Variants in NPAS3 observed in about 807,000 individuals in gnomAD.
NPAS3 encodes the protein neuronal PAS domain-containing protein 3.
A neutral mutation model predicts 73.1 loss-of-function variants in NPAS3; 14 were observed. That is an observed-to-expected ratio of 0.19 (90% CI 0.13 to 0.30). The LOEUF is 0.30. Among genes scored for constraint, NPAS3 ranks in the 10% least tolerant of loss-of-function variants. NPAS3 has a pLI of 1.00. For missense variants in NPAS3, 1,096 were observed against 1,250.0 expected (o/e 0.88, Z 1.86); for synonymous variants, 620 against 541.5 (o/e 1.14, Z -2.01).
chr14:33,528,500 G>A (rs1393482041), intron 4 of NPAS3, among the ~76,000 whole-genome samples: 9 of 151,956 alleles, frequency 5.9e-5, no homozygotes, highest in Admixed American at 4.6e-4. Flanking sequence ...AAAGAGGAGG[G>A]AGTGGTCGTC....
At chr14:33,630,556 C>G (rs2058350370) in intron 5 of NPAS3, among the ~76,000 whole-genome samples, 1 of 152,188 alleles carries the variant, frequency 6.6e-6, no homozygotes, top group South Asian at 2.1e-4. Flanking sequence ...AGCCAGGATT[C>G]TCAATGGATT....
chr14:33,094,291 G>T (rs1475763973), intron 2 of NPAS3, among the ~76,000 whole-genome samples: 1 of 151,794 alleles, frequency 6.6e-6, no homozygotes, highest in African/African-American at 2.4e-5. Context: ...TTAGAAAATG[G>T]GAATTTAAAG....
At chr14:33,290,886 G>T (rs2042073478) in intron 3 of NPAS3, among the ~76,000 whole-genome samples, 1 of 152,144 alleles carries the variant, frequency 6.6e-6, no homozygotes, top group Non-Finnish European at 1.5e-5. Context: ...CAGCATAATT[G>T]TCACAGGTTT....
At chr14:33,636,200 G>A (rs928415931) in intron 5 of NPAS3, among the ~76,000 whole-genome samples, 4 of 152,200 alleles carry the variant, frequency 2.6e-5, no homozygotes, top group Non-Finnish European at 5.9e-5. Flanking sequence ...GATTACAGGC[G>A]TGAGCCACCG....
At chr14:33,724,626 C>G (rs538732971) in intron 6 of NPAS3, among the ~76,000 whole-genome samples, 2 of 152,090 alleles carry the variant, frequency 1.3e-5, no homozygotes, top group African/African-American at 2.4e-5. Flanking sequence ...GAGTGAGACA[C>G]CAATCTCAAA....
chr14:33,178,101 A>T (rs2045661596), intron 2 of NPAS3, among the ~76,000 whole-genome samples: 1 of 132,144 alleles, frequency 7.6e-6, no homozygotes, highest in South Asian at 2.5e-4. Flanking sequence ...TTGGAGACAG[A>T]GTCTTGCTCT....
At chr14:32,935,548 C>G (rs1455088441), upstream of NPAS3, among the ~76,000 whole-genome samples, 1 of 152,218 alleles carries the variant, frequency 6.6e-6, no homozygotes, top group Admixed American at 6.5e-5. Flanking sequence ...CTCTTCGGCG[C>G]TGTTAAGTAT....
intron 1 of NPAS3, among the ~76,000 whole-genome samples, chr14:33,048,365 A>G (rs2040582747): frequency 6.6e-6 from 1 of 152,224 alleles, no homozygotes; most frequent in African/African-American, 2.4e-5. Flanking sequence ...TCCACTTACT[A>G]CGGTGTAGCC....
At chr14:33,065,807 G>A (rs114998488) in intron 2 of NPAS3, among the ~76,000 whole-genome samples, 546 of 152,122 alleles carry the variant, frequency 3.6e-3, no homozygotes, top group African/African-American at 0.013. Context: ...TTTCATAACA[G>A]CATCATTTTC....
At chr14:33,176,867 C>T (rs2045606023) in intron 2 of NPAS3, among the ~76,000 whole-genome samples, 1 of 151,910 alleles carries the variant, frequency 6.6e-6, no homozygotes. Flanking sequence ...TTCTCCATAT[C>T]CTTGCCAAGA....
chr14:33,201,538 C>A (rs1448629148), intron 2 of NPAS3, among the ~76,000 whole-genome samples: 3 of 152,166 alleles, frequency 2.0e-5, no homozygotes, highest in Non-Finnish European at 4.4e-5. Flanking sequence ...TCAGCCCAAA[C>A]AAAACCAAAT....
chr14:33,438,631 A>G (rs1173387009), intron 4 of NPAS3, among the ~76,000 whole-genome samples: 1 of 152,170 alleles, frequency 6.6e-6, no homozygotes, highest in African/African-American at 2.4e-5. Context: ...GGGGTATTTT[A>G]TTAGCAACGA....
At chr14:33,591,633 A>T (rs996253875) in intron 5 of NPAS3, among the ~76,000 whole-genome samples, 1 of 152,196 alleles carries the variant, frequency 6.6e-6, no homozygotes, top group Non-Finnish European at 1.5e-5. Context: ...TCACAACTGA[A>T]TTCTTATAGA....
intron 4 of NPAS3, among the ~76,000 whole-genome samples, chr14:33,478,361 A>G (rs1211735871): frequency 3.9e-5 from 6 of 152,298 alleles, no homozygotes; most frequent in African/African-American, 1.4e-4. Flanking sequence ...AGAGGTCACA[A>G]TTATGCTAAT....
At chr14:33,086,296 G>C (rs1423694186) in intron 2 of NPAS3, among the ~76,000 whole-genome samples, 1 of 152,026 alleles carries the variant, frequency 6.6e-6, no homozygotes, top group Non-Finnish European at 1.5e-5. Flanking sequence ...ATATATTCTT[G>C]TTTTGGTTTA....
At chr14:33,369,638 T>G (rs139114516) in intron 4 of NPAS3, among the ~76,000 whole-genome samples, 1 of 152,170 alleles carries the variant, frequency 6.6e-6, no homozygotes, top group Non-Finnish European at 1.5e-5. Flanking sequence ...TTGCACTATG[T>G]AATCTTATAA....
chr14:33,265,638 C>T (rs2040778890), intron 3 of NPAS3, among the ~76,000 whole-genome samples: 1 of 152,066 alleles, frequency 6.6e-6, no homozygotes, highest in African/African-American at 2.4e-5. Context: ...TTTTTCTATA[C>T]TTGAGAAAAG....
At chr14:33,751,007 A>G (rs1952164) in intron 7 of NPAS3, among the ~76,000 whole-genome samples, 17,286 of 152,178 alleles carry the variant, frequency 0.11, 2,112 homozygotes, top group African/African-American at 0.31. Context: ...AATGGTATCA[A>G]TAAAGAGATG....
intron 4 of NPAS3, among the ~76,000 whole-genome samples, chr14:33,540,039 G>T (rs879866076): frequency 2.6e-5 from 4 of 151,588 alleles, no homozygotes; most frequent in Admixed American, 6.6e-5. Context: ...TGGCAGAACA[G>T]AAATTTCCAA....
Sources: gnomAD v4.1 joint callset for allele counts (sites outside exome capture counted in the v4.1 genomes callset) on GRCh38, gnomAD v4.1.1 for gene constraint, MANE v1.5 for transcripts, NCBI Gene and HGNC (gene_info 2026-07-23, HGNC 2026-07-21) for gene names.